Variants in DDX10 observed in about 807,000 individuals in gnomAD.
DDX10 encodes the protein DEAD-box helicase 10.
Under a neutral mutation model 104.3 loss-of-function variants are expected in DDX10, and 74 were observed. That is an observed-to-expected ratio of 0.71 (90% CI 0.59 to 0.86). DDX10 has a LOEUF of 0.86. Among genes scored for constraint, DDX10 ranks in the 40% least tolerant of loss-of-function variants. The pLI, the probability that DDX10 is intolerant of heterozygous loss-of-function variation, is 0.00. For missense variants in DDX10, 952 were observed against 1,040.0 expected (o/e 0.92, Z 1.16); for synonymous variants, 351 against 353.4 (o/e 0.99, Z 0.08).
At chr11:108,687,289 G>A (rs2094245712) in intron 6 of DDX10, among the ~76,000 whole-genome samples, 1 of 152,024 alleles carries the variant, frequency 6.6e-6, no homozygotes, top group African/African-American at 2.4e-5. Context: ...GTTGACATAT[G>A]ATATGGATCA....
intron 15 of DDX10, among the ~76,000 whole-genome samples, chr11:108,843,520 G>A (rs1408904816): frequency 2.0e-5 from 3 of 151,888 alleles, no homozygotes; most frequent in Non-Finnish European, 1.5e-5. Context: ...AGCACTTTGG[G>A]AGGCTGAGGT....
At chr11:108,839,968 T>G (rs905368053) in intron 14 of DDX10, among the ~76,000 whole-genome samples, 1 of 152,218 alleles carries the variant, frequency 6.6e-6, no homozygotes, top group Non-Finnish European at 1.5e-5. Context: ...ATAAAATGTT[T>G]CAATGTGTAC....
chr11:108,696,888 G>T (rs141593883), intron 9 of DDX10, among the ~76,000 whole-genome samples: 98 of 152,166 alleles, frequency 6.4e-4, no homozygotes, highest in African/African-American at 2.3e-3. Flanking sequence ...TATTGGACAT[G>T]TCAATATAAA....
chr11:108,767,737 A>G (rs1363875217), intron 13 of DDX10, among the ~76,000 whole-genome samples: 1 of 152,230 alleles, frequency 6.6e-6, no homozygotes, highest in African/African-American at 2.4e-5. Flanking sequence ...AACTGCCTAT[A>G]TAATCCTGGA....
intron 17 of DDX10, among the ~76,000 whole-genome samples, chr11:108,935,220 G>A (rs1864021863): frequency 6.6e-6 from 1 of 152,142 alleles, no homozygotes; most frequent in Admixed American, 6.5e-5. Context: ...GAAGGATAAG[G>A]GAGGTTTAGA....
In DDX10 at chr11:108,804,449, C is replaced by T. The variant is rs1030901434; in HGVS notation, c.1966-33997C>T. Among the ~76,000 whole-genome samples, 31 of 133,816 alleles carry T rather than the reference C, an allele frequency of 2.3e-4. 1 individual carries two copies. Among genetic ancestry groups the T allele is most frequent in the African/African-American group, 1.1e-4 (4 of 36,828 alleles). The allele number at this position is 133,816 out of a possible 152,430, so 87.8% of individuals were successfully genotyped here. A position where few individuals can be genotyped will look rare whatever the true frequency, so the allele number is the denominator to read the frequency against. On this transcript the variant is annotated intron_variant, in intron 13 of 17. Coordinates refer to ENST00000322536, the MANE Select transcript of DDX10 (RefSeq NM_004398.4). ...TTGGGAGGTTGAGGCTGCATTGAGC[C>T]GATTGCACAACTGCATTCCAGCCTG...
intron 16 of DDX10, among the ~76,000 whole-genome samples, chr11:108,907,185 T>A (rs1488654438): frequency 2.7e-5 from 4 of 148,366 alleles, no homozygotes; most frequent in African/African-American, 9.7e-5. Flanking sequence ...TTTGGAATGA[T>A]GAGGAAAAAA....
In DDX10 at chr11:108,675,461, C is replaced by G. The variant is rs569962749; in HGVS notation, c.248-135C>G. Reference sequence around the variant, plus strand: ...ATCAACCTCTTTAAAGGCCCTGTCTCCAAGTATAGTTATGTTCTGAGGTAC... The same window carrying G: ...ATCAACCTCTTTAAAGGCCCTGTCTGCAAGTATAGTTATGTTCTGAGGTAC... On this transcript the variant is annotated intron_variant, in intron 2 of 17. Coordinates refer to ENST00000322536, the MANE Select transcript of DDX10 (RefSeq NM_004398.4). 3.1e-4 allele frequency: 286 copies of G among 933,758 alleles called. 1 individual carries two copies. In the East Asian group the frequency reaches 6.2e-3, roughly 20 times the overall value. 57.8% of individuals were successfully genotyped at this position (933,758 alleles called of 1,614,324 possible).
rs151133065 is a variant in DDX10 at position 108,667,435 on chromosome 11, C to T, written c.186+2096C>T. Among the ~76,000 whole-genome samples the T allele has an allele frequency of 1.6e-4, 24 of 152,296 alleles. No individual in the cohort carries two copies. The East Asian group carries it at 4.6e-3, about 29-fold the overall frequency. On this transcript the variant is annotated intron_variant, in intron 1 of 17. Coordinates refer to ENST00000322536, the MANE Select transcript of DDX10 (RefSeq NM_004398.4). ...CTTTTAGAAAAATTGTCAAATACAGCGTGTCAACATGTTCTAGTCTGCTGC... is the reference window on the plus strand; with the variant it reads ...CTTTTAGAAAAATTGTCAAATACAGTGTGTCAACATGTTCTAGTCTGCTGC...
At position 108,706,058 on chromosome 11, in the gene DDX10, A is replaced by G. The variant is rs566929436; in HGVS notation, c.1224-681A>G. The stretch of plus-strand genomic sequence containing the variant: ...ATGATCTCAGCTCACTGCAACCTCC[A>G]TCTCCTGGGTTGAAGCAATTCTCCT... On this transcript the variant is annotated intron_variant, in intron 9 of 17. Transcript: ENST00000322536. 1.4e-4 allele frequency among the ~76,000 whole-genome samples: 21 copies of G among 152,002 alleles called. No homozygotes were observed. The East Asian group carries it at 3.5e-3, about 25-fold the overall frequency.
chr11:108,852,105 T>A (rs1862800947), intron 15 of DDX10, 48 bp from the exon 16 acceptor site: 1 of 1,438,230 alleles, frequency 7.0e-7, no homozygotes, highest in Admixed American at 1.9e-5. Flanking sequence ...TAGTCTGTTT[T>A]ATACCTAATT....
chr11:108,837,454 C>T lies in DDX10; in HGVS notation c.1966-992C>T, dbSNP rs563487485. Among the ~76,000 whole-genome samples, 87 of 152,074 alleles carry T rather than the reference C, an allele frequency of 5.7e-4. No homozygotes were observed. In the Middle Eastern group the frequency reaches 0.017, roughly 30 times the overall value. On this transcript the variant is annotated intron_variant, in intron 13 of 17. Transcript: ENST00000322536. ...GGTTATGCTATGACCTCTTCCAACC[C>T]CCTATCTCAGGGGGTCTGCTCACCA...
intron 13 of DDX10, among the ~76,000 whole-genome samples, chr11:108,759,510 A>C (rs1015704916): frequency 6.6e-6 from 1 of 151,908 alleles, no homozygotes; most frequent in African/African-American, 2.4e-5. Flanking sequence ...CAGATGGTAG[A>C]TATGGTTGTA....
intron 13 of DDX10, among the ~76,000 whole-genome samples, chr11:108,816,508 G>T (rs1489505802): frequency 3.3e-5 from 5 of 150,736 alleles, no homozygotes; most frequent in African/African-American, 9.8e-5. Flanking sequence ...TTCACTTACT[G>T]CCCTAATTCA....
At chr11:108,796,251 C>T (rs1330262359) in intron 13 of DDX10, among the ~76,000 whole-genome samples, 15 of 152,140 alleles carry the variant, frequency 9.9e-5, no homozygotes, top group South Asian at 2.1e-4. Context: ...GTTTTACTGA[C>T]GTTTCATAGA....
intron 13 of DDX10, among the ~76,000 whole-genome samples, chr11:108,778,482 G>T (rs1446346899): frequency 4.6e-5 from 7 of 152,168 alleles, no homozygotes; most frequent in African/African-American, 7.2e-5. Context: ...GGGAAAACTG[G>T]CTAGCCATAT....
intron 16 of DDX10, among the ~76,000 whole-genome samples, chr11:108,894,015 T>G (rs374230551): frequency 6.6e-5 from 10 of 152,194 alleles, no homozygotes; most frequent in African/African-American, 2.4e-4. Context: ...AGTCCACTTG[T>G]AAATGACTGC....
intron 13 of DDX10, among the ~76,000 whole-genome samples, chr11:108,728,343 C>T (rs2094307797): frequency 6.6e-6 from 1 of 152,068 alleles, no homozygotes; most frequent in African/African-American, 2.4e-5. Context: ...GAAAAATTTC[C>T]TGTAAAATAC....
intron 16 of DDX10, chr11:108,868,339 C>A (rs1388528656): frequency 6.7e-6 from 1 of 150,308 alleles, no homozygotes; most frequent in Non-Finnish European, 1.5e-5. Flanking sequence ...GAAGGTATGG[C>A]TGTGGAAGAG....
Sources: allele counts gnomAD v4.1 joint callset (sites outside exome capture counted in the v4.1 genomes callset), GRCh38; gene constraint gnomAD v4.1.1; transcripts MANE v1.5; gene names NCBI Gene and HGNC (gene_info 2026-07-23, HGNC 2026-07-21).